Variants in LRRC72 observed in about 807,000 individuals in gnomAD.
LRRC72 encodes leucine-rich repeat-containing protein 72.
Under a neutral mutation model 35.8 loss-of-function variants are expected in LRRC72, and 41 were observed. The observed-to-expected ratio is 1.15, with a 90% confidence interval of 0.89 to 1.49. LRRC72 has a LOEUF of 1.49. Ranked by LOEUF, LRRC72 falls within the 40% of genes most tolerant of loss-of-function variation. The pLI is 0.00. For synonymous variants in LRRC72, 118 were observed against 119.2 expected (o/e 0.99, Z 0.07); for missense variants, 389 against 330.7 (o/e 1.18, Z -1.37).
At chr7:16,581,238 T>C in intron 8 of LRRC72, 86 bp from the exon 9 acceptor site, 1 of 1,201,008 alleles carries the variant, frequency 8.3e-7, no homozygotes, top group Non-Finnish European at 1.1e-6. Context: ...AAACATGGCA[T>C]TGATTCATTT....
chr7:16,561,507 A>T (rs1015253594), intron 5 of LRRC72, among the ~76,000 whole-genome samples: 2 of 152,112 alleles, frequency 1.3e-5, no homozygotes, highest in East Asian at 1.9e-4. Context: ...AGGCATGAGG[A>T]GTGGGAATTT....
At chr7:16,572,644 A>G (rs1479482934) in intron 7 of LRRC72, among the ~76,000 whole-genome samples, 1 of 152,210 alleles carries the variant, frequency 6.6e-6, no homozygotes, top group African/African-American at 2.4e-5. Context: ...GTATTGAAGG[A>G]ACATATATCA....
rs182022266 is a variant in LRRC72 at position 16,572,536 on chromosome 7, G to T, written c.670+4993G>T. Among the ~76,000 whole-genome samples, 906 of 152,224 alleles carry T rather than the reference G, an allele frequency of 6.0e-3. 7 individuals are homozygous for T. The highest frequency in any genetic ancestry group is 9.8e-3 in the Non-Finnish European group (670 of 68,026). On this transcript the variant is annotated intron_variant, in intron 7 of 8. Coordinates refer to ENST00000401542, the MANE Select transcript of LRRC72 (RefSeq NM_001195280.2). ...ATAAATGTAATCCATCGCATAAACAGAACCAATGACAAAAACCACATGATT... is the reference window on the plus strand; with the variant it reads ...ATAAATGTAATCCATCGCATAAACATAACCAATGACAAAAACCACATGATT...
At chr7:16,573,842 A>G (rs1782990639) in intron 7 of LRRC72, among the ~76,000 whole-genome samples, 1 of 152,240 alleles carries the variant, frequency 6.6e-6, no homozygotes, top group African/African-American at 2.4e-5. Flanking sequence ...ACAGCAAAAG[A>G]AACTGTCATC....
intron 3 of LRRC72, among the ~76,000 whole-genome samples, chr7:16,540,639 C>A (rs1325678946): frequency 6.6e-6 from 1 of 152,086 alleles, no homozygotes; most frequent in Non-Finnish European, 1.5e-5. Context: ...AGGGGAGGAA[C>A]CTGGTGGGAG....
At chr7:16,551,071 C>T (rs10224153) in intron 3 of LRRC72, among the ~76,000 whole-genome samples, 14,743 of 152,064 alleles carry the variant, frequency 0.097, 787 homozygotes, top group East Asian at 0.15. Context: ...CATTTAAAGA[C>T]GTGATTAAGC....
chr7:16,554,918 AAG>A (rs1782624268), intron 3 of LRRC72, among the ~76,000 whole-genome samples: 1 of 152,256 alleles, frequency 6.6e-6, no homozygotes, highest in Admixed American at 6.5e-5. Context: ...TAACTGGAAG[AAG>A]AGAGAGGAAA....
chr7:16,571,686 T>C (rs1188172977), intron 7 of LRRC72, among the ~76,000 whole-genome samples: 1 of 152,060 alleles, frequency 6.6e-6, no homozygotes, highest in Non-Finnish European at 1.5e-5. Context: ...TTTCCCATGG[T>C]CTTCACAACC....
intron 3 of LRRC72, among the ~76,000 whole-genome samples, chr7:16,554,526 A>T (rs185144774): frequency 3.4e-4 from 52 of 152,212 alleles, no homozygotes; most frequent in Non-Finnish European, 4.9e-4. Flanking sequence ...GCCACCACAA[A>T]TTCTTCTGAT....
At chr7:16,527,089 GC>G (rs1782083192) in intron 1 of LRRC72, 47 bp downstream of exon 1, 1 of 1,455,342 alleles carries the variant, frequency 6.9e-7, no homozygotes, top group Non-Finnish European at 9.3e-7. Context: ...TTGGCCCCCT[GC>G]CCCAGGGCCC....
At chr7:16,557,785 T>C (rs756228510) in intron 4 of LRRC72, among the ~76,000 whole-genome samples, 5 of 152,226 alleles carry the variant, frequency 3.3e-5, no homozygotes, top group Non-Finnish European at 7.3e-5. Context: ...TTATTGGCTA[T>C]ATGTTCTACC....
At chr7:16,541,347 T>C (rs1230650728) in intron 3 of LRRC72, among the ~76,000 whole-genome samples, 1 of 152,226 alleles carries the variant, frequency 6.6e-6, no homozygotes, top group Non-Finnish European at 1.5e-5. Flanking sequence ...GCCTGTCAAG[T>C]AGTAAGTCCA....
chr7:16,581,300 G>A, intron 8 of LRRC72, 24 bp from the exon 9 acceptor site: 1 of 1,412,410 alleles, frequency 7.1e-7, no homozygotes, highest in African/African-American at 1.5e-5. Context: ...CTTTTTTTCT[G>A]ACATAATTGC....
At chr7:16,575,808 C>G (rs1467925203) in intron 7 of LRRC72, among the ~76,000 whole-genome samples, 1 of 152,162 alleles carries the variant, frequency 6.6e-6, no homozygotes, top group Non-Finnish European at 1.5e-5. Flanking sequence ...AATCTCCCCT[C>G]TTAAAAACAG....
At chr7:16,541,740 C>A (rs952759932) in intron 3 of LRRC72, among the ~76,000 whole-genome samples, 2 of 152,200 alleles carry the variant, frequency 1.3e-5, no homozygotes, top group African/African-American at 4.8e-5. Flanking sequence ...GGTGAAACTC[C>A]GTCTCTACTA....
rs138580402 is a variant in LRRC72 at position 16,537,472 on chromosome 7, G to A, written c.165-155G>A. 2.9e-3 allele frequency among the ~76,000 whole-genome samples: 439 copies of A among 152,254 alleles called. 5 individuals are homozygous for A. The highest frequency in any genetic ancestry group is 9.8e-3 in the African/African-American group (409 of 41,542). ...TCCAAGTGAATGAAGTTATAATGATGGAATTTCTGAAATAAGCAGGTGAGT... is the reference window on the plus strand; with the variant it reads ...TCCAAGTGAATGAAGTTATAATGATAGAATTTCTGAAATAAGCAGGTGAGT... On this transcript the variant is annotated intron_variant, in intron 2 of 8. Transcript: ENST00000401542.
At chr7:16,578,286 A>G (rs1429452238) in intron 7 of LRRC72, among the ~76,000 whole-genome samples, 1 of 152,210 alleles carries the variant, frequency 6.6e-6, no homozygotes. Context: ...CAGCCTGGCT[A>G]ACATGGTGAA....
At chr7:16,558,526 C>A (rs917593540) in intron 4 of LRRC72, among the ~76,000 whole-genome samples, 3 of 152,074 alleles carry the variant, frequency 2.0e-5, no homozygotes, top group South Asian at 4.1e-4. Flanking sequence ...AGGAGAATCC[C>A]TTGAACCCAG....
intron 3 of LRRC72, among the ~76,000 whole-genome samples, chr7:16,552,403 G>A (rs561115226): frequency 3.3e-5 from 2 of 59,758 alleles, no homozygotes; most frequent in South Asian, 1.0e-3. Context: ...GAAAGGAAAT[G>A]AAGTGTGTGC....
Sources: allele counts gnomAD v4.1 joint callset (sites outside exome capture counted in the v4.1 genomes callset), GRCh38; gene constraint gnomAD v4.1.1; transcripts MANE v1.5; gene names NCBI Gene and HGNC (gene_info 2026-07-23, HGNC 2026-07-21).